Variants in ARHGAP32 observed in about 807,000 individuals in gnomAD.
The protein encoded by ARHGAP32 is Rho GTPase activating protein 32, also known as rho GTPase-activating protein 32.
ARHGAP32 carries 51 observed loss-of-function variants against 186.5 expected under a neutral mutation model. The observed-to-expected ratio is 0.27, with a 90% CI of 0.22 to 0.35. The LOEUF (loss-of-function observed/expected upper bound fraction) is 0.35, where lower values mean the gene tolerates loss of function less well. ARHGAP32 is among the 10% of genes least tolerant of loss of function. ARHGAP32 has a pLI of 1.00. For missense variants in ARHGAP32, 2,186 were observed against 2,623.5 expected, an observed-to-expected ratio of 0.83 and a Z score of 3.64; for synonymous variants, 950 against 964.3, an observed-to-expected ratio of 0.99 and a Z score of 0.27.
At chr11:129,218,145 C>T (rs1267967626) in intron 1 of ARHGAP32, among the ~76,000 whole-genome samples, 11 of 152,124 alleles carry the variant, frequency 7.2e-5, no homozygotes, top group Admixed American at 7.2e-4. Context: ...AAATTCAAAA[C>T]CTTTTAAATA....
chr11:129,137,096 A>C (rs1416917511), intron 2 of ARHGAP32, among the ~76,000 whole-genome samples: 2 of 152,004 alleles, frequency 1.3e-5, no homozygotes, highest in Non-Finnish European at 2.9e-5. Flanking sequence ...GGAATGAGGA[A>C]TACTTCAATT....
chr11:129,092,927 A>G (rs1315576595), intron 6 of ARHGAP32, among the ~76,000 whole-genome samples: 1 of 152,054 alleles, frequency 6.6e-6, no homozygotes, highest in Non-Finnish European at 1.5e-5. Context: ...AGAATGTAGA[A>G]TAAGTGAATA....
intron 5 of ARHGAP32, among the ~76,000 whole-genome samples, chr11:129,098,585 A>G (rs1022757251): frequency 6.6e-6 from 1 of 151,832 alleles, no homozygotes; most frequent in African/African-American, 2.4e-5. Flanking sequence ...ATGCCCAGCT[A>G]ATTTTTTGTA....
At chr11:129,131,249 T>C (rs892119276) in intron 2 of ARHGAP32, among the ~76,000 whole-genome samples, 2 of 152,138 alleles carry the variant, frequency 1.3e-5, no homozygotes, top group East Asian at 3.9e-4. Context: ...AGACATCAAA[T>C]GGACAAACAT....
chr11:128,972,348 A>T (rs77561606), intron 22 of ARHGAP32, 105 bp downstream of exon 22: 397,029 of 1,302,256 alleles, frequency 0.3, 63,137 homozygotes, highest in Middle Eastern at 0.39. Flanking sequence ...CAGGGCTTAA[A>T]AGTAATTGTT....
At chr11:129,275,560 TA>T (rs926936103) in intron 1 of ARHGAP32, among the ~76,000 whole-genome samples, 4 of 149,378 alleles carry the variant, frequency 2.7e-5, no homozygotes, top group African/African-American at 2.5e-5. Context: ...CTAATTAAAG[TA>T]AAAAAAAAAG....
intron 2 of ARHGAP32, among the ~76,000 whole-genome samples, chr11:129,135,968 A>G (rs1034698724): frequency 6.6e-6 from 1 of 152,228 alleles, no homozygotes; most frequent in South Asian, 2.1e-4. Context: ...CGAATTTAAT[A>G]AAGTGGACTT....
intron 2 of ARHGAP32, among the ~76,000 whole-genome samples, chr11:129,133,624 G>A (rs1029835150): frequency 2.6e-5 from 4 of 152,080 alleles, no homozygotes; most frequent in Non-Finnish European, 4.4e-5. Flanking sequence ...TATACAATTC[G>A]GAAAGAACTC....
chr11:129,043,999 G>A (rs1051203837), intron 10 of ARHGAP32, among the ~76,000 whole-genome samples: 2 of 151,710 alleles, frequency 1.3e-5, no homozygotes, highest in African/African-American at 2.4e-5. Context: ...TTGCCCTTTC[G>A]AACTCTTGTA....
intron 2 of ARHGAP32, among the ~76,000 whole-genome samples, chr11:129,133,461 C>T (rs1241450506): frequency 6.6e-6 from 1 of 152,030 alleles, no homozygotes; most frequent in East Asian, 1.9e-4. Flanking sequence ...CAAACCAAAA[C>T]ATCATAATCA....
intron 1 of ARHGAP32, among the ~76,000 whole-genome samples, chr11:129,200,520 A>C (rs971543936): frequency 6.6e-6 from 1 of 152,154 alleles, no homozygotes; most frequent in Non-Finnish European, 1.5e-5. Context: ...CTCCCACATA[A>C]GACATGCCTT....
chr11:129,084,502 A>G (rs1424630861), intron 6 of ARHGAP32, among the ~76,000 whole-genome samples: 1 of 152,208 alleles, frequency 6.6e-6, no homozygotes, highest in Non-Finnish European at 1.5e-5. Flanking sequence ...CTGGTTCAAC[A>G]TTTGAAAATC....
At chr11:129,229,182 A>C (rs1944825370) in intron 1 of ARHGAP32, among the ~76,000 whole-genome samples, 1 of 152,172 alleles carries the variant, frequency 6.6e-6, no homozygotes, top group South Asian at 2.1e-4. Context: ...TTTTAATTAT[A>C]CTATTCTTTT....
At chr11:129,199,407 C>T (rs1443830557) in intron 1 of ARHGAP32, among the ~76,000 whole-genome samples, 1 of 152,228 alleles carries the variant, frequency 6.6e-6, no homozygotes, top group Non-Finnish European at 1.5e-5. Context: ...TGGGCCAGGC[C>T]CAGGGCCCCC....
rs2135382287 is a variant in ARHGAP32 at position 129,123,780 on chromosome 11, T to A, written c.359+108A>T. 1 of 953,530 alleles carries A rather than the reference T, an allele frequency of 1.0e-6. No homozygotes were observed. The highest frequency in any genetic ancestry group is 1.5e-6 in the Non-Finnish European group (1 of 677,894). 59.1% of individuals were successfully genotyped at this position (953,530 alleles called of 1,614,324 possible). ...CGTTATCTCCTAATTTTGACCCGAA[T>A]CAATGTCCATAGAAAAACTGCTATT... On this transcript the variant is annotated intron_variant, in intron 4 of 22. Transcript: ENST00000682385. The surrounding 1 kb of genome is among the most constrained non-coding windows in gnomAD (Gnocchi z 4.6).
chr11:129,074,810 T>C (rs960896266), intron 6 of ARHGAP32, among the ~76,000 whole-genome samples: 18 of 152,236 alleles, frequency 1.2e-4, no homozygotes, highest in Admixed American at 2.6e-4. Context: ...TTTTTTTTAA[T>C]GTAATTGATA....
rs1945248670 is a variant in ARHGAP32 at position 128,967,567 on chromosome 11, G to C, written c.*1340C>G. The C allele has an allele frequency of 6.6e-6, 1 of 152,150 alleles. No individual in the cohort carries two copies. Among genetic ancestry groups the C allele is most frequent in the African/African-American group, 2.4e-5 (1 of 41,416 alleles). 9.4% of individuals were successfully genotyped at this position (152,150 alleles called of 1,614,324 possible). On this transcript the variant is annotated 3_prime_UTR_variant, in exon 23 of 23. Coordinates refer to ENST00000682385, the MANE Select transcript of ARHGAP32 (RefSeq NM_001378024.1). Reference sequence around the variant, plus strand: ...GGCTAGAGAGTTCCTACTCTAATAAGGAATGCAACTTTCAAAACTCGTGGG... The same window carrying C: ...GGCTAGAGAGTTCCTACTCTAATAACGAATGCAACTTTCAAAACTCGTGGG...
At chr11:129,081,616 T>C (rs987754261) in intron 6 of ARHGAP32, among the ~76,000 whole-genome samples, 2 of 151,248 alleles carry the variant, frequency 1.3e-5, no homozygotes, top group Non-Finnish European at 3.0e-5. Context: ...CTTATAAAAC[T>C]CATCTATGAC....
chr11:128,991,764 C>T (rs773591173), intron 12 of ARHGAP32, among the ~76,000 whole-genome samples: 4 of 152,148 alleles, frequency 2.6e-5, no homozygotes, highest in Non-Finnish European at 4.4e-5. Context: ...TATCATCATA[C>T]GACAACAGAA....
Sources: gnomAD v4.1 joint callset for allele counts (sites outside exome capture counted in the v4.1 genomes callset) on GRCh38, gnomAD v4.1.1 for gene constraint, Gnocchi (gnomAD v3.1) non-coding constraint, MANE v1.5 for transcripts, NCBI Gene and HGNC (gene_info 2026-07-23, HGNC 2026-07-21) for gene names.